KAZN: variants seen among roughly 807,000 people sequenced by gnomAD.
KAZN encodes the protein kazrin.
Under a neutral mutation model 87.4 loss-of-function variants are expected in KAZN, and 40 were observed. The ratio of observed to expected loss-of-function variants is 0.46; its 90% CI spans 0.36 to 0.60. KAZN has a LOEUF of 0.60. Among genes scored for constraint, KAZN ranks in the 20% least tolerant of loss-of-function variants. The probability of loss-of-function intolerance (pLI) is 0.00; values close to 1 mark genes in which losing one functional copy is unlikely to be tolerated. For missense variants in KAZN, 898 were observed against 1,073.9 expected, an observed-to-expected ratio of 0.84 and a Z score of 2.29; for synonymous variants, 466 against 458.3, an observed-to-expected ratio of 1.02 and a Z score of -0.22.
At chr1:14,685,474 G>A (rs970020142) in intron 1 of KAZN, among the ~76,000 whole-genome samples, 1 of 152,212 alleles carries the variant, frequency 6.6e-6, no homozygotes, top group African/African-American at 2.4e-5. Flanking sequence ...CATGTACTGA[G>A]GGCCAGGGGA....
chr1:14,497,335 TAAAAAAAAAAAAAA>T (rs70997150), intron 2 of KAZN, among the ~76,000 whole-genome samples: 1 of 76,418 alleles, frequency 1.3e-5, no homozygotes, highest in Non-Finnish European at 2.4e-5. Flanking sequence ...ATTCTGTTAC[TAAAAAAAAAAAAAA>T]AAAAAAAAAA....
intron 13 of KAZN, among the ~76,000 whole-genome samples, chr1:15,106,757 G>A (rs574493664): frequency 1.3e-4 from 20 of 152,226 alleles, no homozygotes; most frequent in South Asian, 1.0e-3. Flanking sequence ...ACCCAAAGGC[G>A]CCAAGGAGAA....
chr1:13,908,430 G>T (rs751720327), intron 1 of KAZN, among the ~76,000 whole-genome samples: 1 of 151,978 alleles, frequency 6.6e-6, no homozygotes, highest in Non-Finnish European at 1.5e-5. Flanking sequence ...ACGGCTCTTT[G>T]GTCAAGAAAG....
chr1:15,091,834 T>C (rs1357514704), intron 8 of KAZN, among the ~76,000 whole-genome samples: 5 of 152,232 alleles, frequency 3.3e-5, no homozygotes, highest in East Asian at 1.9e-4. Context: ...ACATGTTTAC[T>C]AGGGAACTTT....
At position 13,987,551 on chromosome 1, in the gene KAZN, A is replaced by G. The variant is rs1639079320; in HGVS notation, c.91+93795A>G. The stretch of plus-strand genomic sequence containing the variant: ...CAGACTGGGTAATTTATAGTGAACA[A>G]ATTTTTTTCTACAGTTCTGGGGACT... On this transcript the variant is annotated intron_variant, in intron 1 of 16. Coordinates refer to the KAZN transcript ENST00000636203. 3.3e-5 allele frequency among the ~76,000 whole-genome samples: 5 copies of G among 152,196 alleles called. No homozygotes were observed. In the South Asian group the frequency reaches 1.0e-3, roughly 32 times the overall value.
At chr1:14,128,398 T>C (rs1644919593) in intron 1 of KAZN, among the ~76,000 whole-genome samples, 1 of 152,132 alleles carries the variant, frequency 6.6e-6, no homozygotes, top group Admixed American at 6.5e-5. Flanking sequence ...CTGGGTGGCT[T>C]AAACCATCAA....
intron 1 of KAZN, among the ~76,000 whole-genome samples, chr1:14,782,104 T>C (rs1242931548): frequency 6.6e-6 from 1 of 152,216 alleles, no homozygotes. Flanking sequence ...ATGCCATATA[T>C]GTGTTTGCTA....
At chr1:14,347,937 A>AT (rs1658231686) in intron 2 of KAZN, among the ~76,000 whole-genome samples, 1 of 150,800 alleles carries the variant, frequency 6.6e-6, no homozygotes, top group Non-Finnish European at 1.5e-5. Context: ...CCAGGCTGGA[A>AT]TGCAGTGGCA....
chr1:14,126,332 A>T (rs190079955), intron 1 of KAZN, among the ~76,000 whole-genome samples: 9 of 140,826 alleles, frequency 6.4e-5, no homozygotes, highest in Admixed American at 6.0e-4. Flanking sequence ...TCCATGTATC[A>T]TAAAGGCAGA....
intron 1 of KAZN, among the ~76,000 whole-genome samples, chr1:14,726,860 G>A (rs56821188): frequency 6.6e-6 from 1 of 151,898 alleles, no homozygotes; most frequent in South Asian, 2.1e-4. Context: ...TCTCATGCAC[G>A]CTCAGCTTTG....
intron 1 of KAZN, among the ~76,000 whole-genome samples, chr1:14,668,279 C>G (rs1572179254): frequency 6.6e-6 from 1 of 152,168 alleles, no homozygotes; most frequent in East Asian, 1.9e-4. Context: ...CTGTGGGAAC[C>G]TATTCTGCTT....
intron 1 of KAZN, among the ~76,000 whole-genome samples, chr1:14,873,560 G>A (rs956011469): frequency 2.0e-5 from 3 of 152,178 alleles, no homozygotes; most frequent in Non-Finnish European, 2.9e-5. Context: ...TGGGAGGAGA[G>A]GAAATGTAAA....
intron 2 of KAZN, among the ~76,000 whole-genome samples, chr1:14,232,067 C>G (rs775684326): frequency 5.9e-5 from 9 of 152,122 alleles, no homozygotes; most frequent in Non-Finnish European, 1.2e-4. Flanking sequence ...ACACACCCAA[C>G]TGCAAAGGGG....
chr1:13,999,525 C>T (rs1639687534), intron 1 of KAZN, among the ~76,000 whole-genome samples: 1 of 152,066 alleles, frequency 6.6e-6, no homozygotes, highest in Non-Finnish European at 1.5e-5. Context: ...AAAGAGACAA[C>T]CTACCAGAAT....
chr1:14,911,426 G>A (rs1235840488), intron 1 of KAZN, among the ~76,000 whole-genome samples: 1 of 152,216 alleles, frequency 6.6e-6, no homozygotes, highest in Admixed American at 6.5e-5. Flanking sequence ...TGCCCAGGGG[G>A]CATCCTTGTC....
chr1:14,009,213 AT>A (rs1349470793), intron 1 of KAZN, among the ~76,000 whole-genome samples: 1 of 152,220 alleles, frequency 6.6e-6, no homozygotes, highest in Non-Finnish European at 1.5e-5. Context: ...GTTGATAAAC[AT>A]TTGGGTTTCT....
rs377711357 is a variant in KAZN, at chr1:14,126,358, C to G, written c.92-54077C>G. Among the ~76,000 whole-genome samples, 560 of 150,160 alleles carry G rather than the reference C, an allele frequency of 3.7e-3. 3 individuals are homozygous for G. The highest frequency in any genetic ancestry group is 0.012 in the African/African-American group (476 of 41,166). ...TAAAGGCAGAAGCTCTCCCCTCCCC[C>G]CCCCCGTCAAGATGCTTAATTTATT... On this transcript the variant is annotated intron_variant, in intron 1 of 16. Transcript: ENST00000636203.
At chr1:14,156,590 C>T (rs115398764) in intron 1 of KAZN, among the ~76,000 whole-genome samples, 3,375 of 152,280 alleles carry the variant, frequency 0.022, 59 homozygotes, top group Non-Finnish European at 0.034. Context: ...TACATAGTGA[C>T]ATTCTTTGTC....
chr1:14,591,179 C>T (rs113700934), intron 2 of KAZN, among the ~76,000 whole-genome samples: 2,621 of 152,078 alleles, frequency 0.017, 74 homozygotes, highest in African/African-American at 0.06. Flanking sequence ...GTGCCCCCCC[C>T]CCATGGACAC....
Sources: allele counts gnomAD v4.1 joint callset (sites outside exome capture counted in the v4.1 genomes callset), GRCh38; gene constraint gnomAD v4.1.1; transcripts MANE v1.5; gene names NCBI Gene and HGNC (gene_info 2026-07-23, HGNC 2026-07-21).